The following SCAPER variants were observed in gnomAD, a reference collection of about 807,000 sequenced individuals.
SCAPER encodes the protein S-phase cyclin A associated protein in the ER.
In SCAPER, 98 loss-of-function variants were observed where a neutral mutation model predicts 182.2. The observed-to-expected ratio is 0.54, with a 90% CI of 0.46 to 0.64. SCAPER has a LOEUF of 0.64. Among genes scored for constraint, SCAPER ranks in the 30% least tolerant of loss-of-function variants. The pLI is 0.00. For synonymous variants in SCAPER, 605 were observed against 564.6 expected (o/e 1.07, Z -1.01); for missense variants, 1,432 against 1,690.0 (o/e 0.85, Z 2.68).
chr15:76,449,279 TTTC>T (rs1398035666), intron 25 of SCAPER, among the ~76,000 whole-genome samples: 1 of 152,220 alleles, frequency 6.6e-6, no homozygotes, highest in Non-Finnish European at 1.5e-5. Flanking sequence ...ATAACTGACA[TTTC>T]TTATTTCATG....
At chr15:76,809,530 AAGAC>A (rs1187489984) in intron 5 of SCAPER, among the ~76,000 whole-genome samples, 1 of 152,168 alleles carries the variant, frequency 6.6e-6, no homozygotes, top group East Asian at 1.9e-4. Context: ...CAGGAACTCT[AAGAC>A]AGGTCATCAG....
At chr15:76,524,310 G>C (rs1261017946) in intron 23 of SCAPER, among the ~76,000 whole-genome samples, 1 of 152,120 alleles carries the variant, frequency 6.6e-6, no homozygotes. Flanking sequence ...GAAGACTAGT[G>C]TCTATATAAT....
At chr15:76,854,871 C>A (rs1212507352) in intron 4 of SCAPER, among the ~76,000 whole-genome samples, 1 of 150,754 alleles carries the variant, frequency 6.6e-6, no homozygotes, top group East Asian at 1.9e-4. Context: ...ACTTGGGAGG[C>A]TGAGGTAGGA....
chr15:76,468,005 T>C (rs551514873), intron 25 of SCAPER, among the ~76,000 whole-genome samples: 1 of 152,330 alleles, frequency 6.6e-6, no homozygotes, highest in Admixed American at 6.5e-5. Flanking sequence ...AATTAGCTTC[T>C]TTTATGCTTT....
chr15:76,728,495 C>T, intron 17 of SCAPER, 100 bp downstream of exon 17: 9 of 1,495,644 alleles, frequency 6.0e-6, no homozygotes, highest in Middle Eastern at 1.8e-4. Flanking sequence ...ATCGCAAAAC[C>T]TCATCTCAAA....
intron 2 of SCAPER, among the ~76,000 whole-genome samples, chr15:76,870,204 T>A (rs2072605018): frequency 6.6e-6 from 1 of 152,156 alleles, no homozygotes; most frequent in African/African-American, 2.4e-5. Flanking sequence ...GTGACTATAG[T>A]TATAATACTT....
chr15:76,799,584 T>C (rs1364312858), intron 7 of SCAPER, among the ~76,000 whole-genome samples: 1 of 152,092 alleles, frequency 6.6e-6, no homozygotes, highest in Non-Finnish European at 1.5e-5. Context: ...ATATCCACAA[T>C]GCAGGAAGAC....
At chr15:76,645,605 T>C (rs954068707) in intron 21 of SCAPER, among the ~76,000 whole-genome samples, 3 of 152,010 alleles carry the variant, frequency 2.0e-5, no homozygotes, top group Non-Finnish European at 4.4e-5. Context: ...ACTGCCCCAG[T>C]CATACCTAAG....
intron 26 of SCAPER, among the ~76,000 whole-genome samples, chr15:76,428,848 C>A (rs1394855639): frequency 4.4e-5 from 4 of 90,644 alleles, no homozygotes; most frequent in African/African-American, 9.1e-5. Flanking sequence ...CAATAGGTAT[C>A]CTGATCAGAT....
intron 26 of SCAPER, among the ~76,000 whole-genome samples, chr15:76,424,304 G>T (rs1052845512): frequency 2.0e-4 from 30 of 152,164 alleles, no homozygotes; most frequent in African/African-American, 7.2e-4. Context: ...GGGTGCTCCT[G>T]TATTGGGTGC....
intron 17 of SCAPER, among the ~76,000 whole-genome samples, chr15:76,715,217 A>T (rs970081604): frequency 6.7e-6 from 1 of 150,328 alleles, no homozygotes; most frequent in Non-Finnish European, 1.5e-5. Context: ...AGCACCTCAC[A>T]CTTCCAGGAG....
chr15:76,832,223 C>T (rs897252242), intron 5 of SCAPER, among the ~76,000 whole-genome samples: 11 of 152,120 alleles, frequency 7.2e-5, no homozygotes, highest in South Asian at 2.1e-4. Flanking sequence ...TGAAAACCAA[C>T]GCAAGGTAAA....
chr15:76,687,986 C>A (rs111471137), intron 20 of SCAPER, among the ~76,000 whole-genome samples: 72 of 152,218 alleles, frequency 4.7e-4, no homozygotes, highest in African/African-American at 1.6e-3. Context: ...AAATAGTATT[C>A]CTAGTTCTAG....
At chr15:76,532,283 T>C (rs1427089179) in intron 23 of SCAPER, among the ~76,000 whole-genome samples, 1 of 152,096 alleles carries the variant, frequency 6.6e-6, no homozygotes, top group Non-Finnish European at 1.5e-5. Flanking sequence ...AGAATAAATA[T>C]ATAACTAATA....
At chr15:76,677,083 T>C (rs940796899) in intron 20 of SCAPER, among the ~76,000 whole-genome samples, 6 of 152,242 alleles carry the variant, frequency 3.9e-5, no homozygotes, top group African/African-American at 1.2e-4. Flanking sequence ...AGCAAAGATA[T>C]ACCCTGTGAG....
At chr15:76,640,490 G>A (rs909132273) in intron 21 of SCAPER, among the ~76,000 whole-genome samples, 1 of 152,180 alleles carries the variant, frequency 6.6e-6, no homozygotes, top group African/African-American at 2.4e-5. Flanking sequence ...CTGCTTACCT[G>A]GTGCTGAAGT....
intron 29 of SCAPER, among the ~76,000 whole-genome samples, chr15:76,364,115 T>C (rs2041644918): frequency 6.6e-6 from 1 of 152,212 alleles, no homozygotes. Flanking sequence ...AGTCTATGCA[T>C]ATACATGATC....
chr15:76,527,634 T>C (rs759330806), intron 23 of SCAPER, among the ~76,000 whole-genome samples: 3 of 152,224 alleles, frequency 2.0e-5, no homozygotes, highest in Non-Finnish European at 2.9e-5. Context: ...GTTGTGAACA[T>C]AGCTGTTGTA....
At chr15:76,484,826 T>C (rs2051464192) in intron 24 of SCAPER, among the ~76,000 whole-genome samples, 1 of 151,964 alleles carries the variant, frequency 6.6e-6, no homozygotes, top group East Asian at 1.9e-4. Context: ...CCTCAATAGA[T>C]GGAGAAAAGG....
Sources: allele counts gnomAD v4.1 joint callset (sites outside exome capture counted in the v4.1 genomes callset), GRCh38; gene constraint gnomAD v4.1.1; transcripts MANE v1.5; gene names NCBI Gene and HGNC (gene_info 2026-07-23, HGNC 2026-07-21).